ARB2A: variants seen among roughly 807,000 people sequenced by gnomAD.
ARB2A encodes the protein cotranscriptional regulator ARB2A.
At chr5:93,673,448 C>T in the ARB2A span, among the ~76,000 whole-genome samples, 1 of 151,760 alleles carries the variant, frequency 6.6e-6, no homozygotes, top group African/African-American at 2.4e-5. Context: ...TGATGATTTA[C>T]CCATAGCAGT....
chr5:93,709,701 A>G, the ARB2A span, among the ~76,000 whole-genome samples: 1 of 151,290 alleles, frequency 6.6e-6, no homozygotes, highest in African/African-American at 2.4e-5. Flanking sequence ...CAGATTATAT[A>G]TATTTAGTTT....
the ARB2A span, among the ~76,000 whole-genome samples, chr5:94,021,469 A>T: frequency 6.6e-6 from 1 of 152,156 alleles, no homozygotes; most frequent in African/African-American, 2.4e-5. Context: ...TGGAAAAAAA[A>T]CTCTGATCAA....
chr5:94,077,572 G>C, the ARB2A span, among the ~76,000 whole-genome samples: 5 of 152,044 alleles, frequency 3.3e-5, no homozygotes, highest in South Asian at 2.1e-4. Flanking sequence ...TCTCAATTTA[G>C]TTTTCCTAAT....
the ARB2A span, among the ~76,000 whole-genome samples, chr5:93,874,733 G>A: frequency 6.6e-6 from 1 of 152,154 alleles, no homozygotes. Flanking sequence ...TCTGAAACAG[G>A]GGCAGTCTTG....
chr5:93,624,052 T>C, the ARB2A span, among the ~76,000 whole-genome samples: 2 of 152,292 alleles, frequency 1.3e-5, no homozygotes, highest in East Asian at 1.9e-4. Flanking sequence ...GTTCAGTGAA[T>C]GGAAACTTTT....
At chr5:93,627,203 C>T in the ARB2A span, among the ~76,000 whole-genome samples, 1 of 152,196 alleles carries the variant, frequency 6.6e-6, no homozygotes, top group Non-Finnish European at 1.5e-5. Flanking sequence ...ACCACATCTG[C>T]AGTTTACTTC....
At chr5:93,935,485 T>A in the ARB2A span, among the ~76,000 whole-genome samples, 1 of 152,320 alleles carries the variant, frequency 6.6e-6, no homozygotes, top group East Asian at 1.9e-4. Flanking sequence ...AACATGCTTA[T>A]GGGCATGCAC....
chr5:93,678,157 G>A, the ARB2A span, among the ~76,000 whole-genome samples: 2 of 152,150 alleles, frequency 1.3e-5, no homozygotes, highest in African/African-American at 4.8e-5. Flanking sequence ...AGACAATACT[G>A]TTTGTTATAC....
At chr5:93,705,631 GTGTGTGTGTGTGTGTGTGTGTATA>G in the ARB2A span, among the ~76,000 whole-genome samples, 1 of 147,022 alleles carries the variant, frequency 6.8e-6, no homozygotes, top group Non-Finnish European at 1.5e-5. Flanking sequence ...GTGTGTGTGT[GTGTGTGTGTGTGTGTGTGTGTATA>G]TATATATATA....
At chr5:93,620,876 C>T in the ARB2A span, 1 of 1,449,388 alleles carries the variant, frequency 6.9e-7, no homozygotes. Flanking sequence ...CGACCCTGGG[C>T]TCTGGGAAGA....
the ARB2A span, chr5:93,862,083 T>A: frequency 6.6e-6 from 1 of 151,396 alleles, no homozygotes; most frequent in South Asian, 2.1e-4. Flanking sequence ...ATGTTATGAT[T>A]TATTACTTCC....
At chr5:93,989,359 A>G in the ARB2A span, among the ~76,000 whole-genome samples, 1 of 152,192 alleles carries the variant, frequency 6.6e-6, no homozygotes, top group Admixed American at 6.5e-5. Flanking sequence ...TCTATCTGTG[A>G]CAAAGTCACA....
chr5:94,094,256 T>C, the ARB2A span, among the ~76,000 whole-genome samples: 1 of 152,190 alleles, frequency 6.6e-6, no homozygotes, highest in Non-Finnish European at 1.5e-5. Context: ...CAGGGTTGGT[T>C]GGTTTCTGAT....
At chr5:93,935,728 TATA>T in the ARB2A span, among the ~76,000 whole-genome samples, 1 of 152,216 alleles carries the variant, frequency 6.6e-6, no homozygotes, top group African/African-American at 2.4e-5. Context: ...TTTCACCAAA[TATA>T]ATATTTCACA....
chr5:93,770,240 T>C, the ARB2A span, among the ~76,000 whole-genome samples: 5 of 152,166 alleles, frequency 3.3e-5, no homozygotes, highest in Non-Finnish European at 5.9e-5. Context: ...AGTTTAAGCC[T>C]GGACAAAATT....
the ARB2A span, among the ~76,000 whole-genome samples, chr5:93,837,998 T>C: frequency 1.8e-4 from 28 of 152,202 alleles, no homozygotes. Context: ...TGTGCAGAGA[T>C]CTTTAGTTTG....
the ARB2A span, among the ~76,000 whole-genome samples, chr5:93,699,424 T>A: frequency 1.3e-5 from 2 of 152,182 alleles, no homozygotes; most frequent in African/African-American, 4.8e-5. Flanking sequence ...TCCAATCATC[T>A]TATTCGTACT....
chr5:93,826,861 T>C, the ARB2A span, among the ~76,000 whole-genome samples: 2 of 151,024 alleles, frequency 1.3e-5, no homozygotes. Flanking sequence ...TTTTTTGTCC[T>C]TGTGATAGTT....
At chr5:93,997,119 T>C in the ARB2A span, among the ~76,000 whole-genome samples, 1 of 152,060 alleles carries the variant, frequency 6.6e-6, no homozygotes, top group African/African-American at 2.4e-5. Flanking sequence ...AGTTTCTGTA[T>C]GCCAAGTGAA....
Sources: allele counts gnomAD v4.1 joint callset (sites outside exome capture counted in the v4.1 genomes callset), GRCh38; gene constraint gnomAD v4.1.1; transcripts MANE v1.5; gene names NCBI Gene and HGNC (gene_info 2026-07-23, HGNC 2026-07-21).